EBF2: variants seen among roughly 807,000 people sequenced by gnomAD.
EBF2 encodes transcription factor COE2.
Under a neutral mutation model 72.8 loss-of-function variants are expected in EBF2, and 21 were observed. That is an observed-to-expected ratio of 0.29 (90% CI 0.20 to 0.42). The LOEUF (loss-of-function observed/expected upper bound fraction) is 0.42, where lower values mean the gene tolerates loss of function less well. Ranked by LOEUF, EBF2 falls within the 10% of genes least tolerant of loss-of-function variation. EBF2 has a pLI of 1.00. For missense variants in EBF2, 637 were observed against 731.2 expected (o/e 0.87, Z 1.49); for synonymous variants, 299 against 274.2 (o/e 1.09, Z -0.89).
chr8:26,042,570 G>A (rs958257594), intron 1 of EBF2, among the ~76,000 whole-genome samples: 1 of 152,166 alleles, frequency 6.6e-6, no homozygotes, highest in Non-Finnish European at 1.5e-5. Context: ...CAGAGGCCCA[G>A]AGTGGTCCCC....
At chr8:25,993,808 T>C (rs949276225) in intron 6 of EBF2, among the ~76,000 whole-genome samples, 4 of 148,902 alleles carry the variant, frequency 2.7e-5, no homozygotes, top group African/African-American at 9.9e-5. Flanking sequence ...TTTGGGGGGG[T>C]GGGGGAAGCT....
intron 6 of EBF2, among the ~76,000 whole-genome samples, chr8:25,967,167 T>C (rs1804128367): frequency 1.3e-5 from 2 of 152,074 alleles, no homozygotes; most frequent in African/African-American, 4.8e-5. Context: ...GGAACTAACA[T>C]CGGGAGAGGC....
At position 26,044,988 on chromosome 8, in the gene EBF2, T is replaced by G. The variant is rs1314368818; in HGVS notation, c.-129A>C. The G allele has an allele frequency of 2.0e-6, 2 of 988,754 alleles. No individual in the cohort carries two copies. Among genetic ancestry groups the G allele is most frequent in the Non-Finnish European group, 2.9e-6 (2 of 690,140 alleles). The allele number at this position is 988,754 out of a possible 1,614,324, so 61.2% of individuals were successfully genotyped here. A position where few individuals can be genotyped will look rare whatever the true frequency, so the allele number is the denominator to read the frequency against. ...AGAAAAGGGATCAAGTGCCCAAGTT[T>G]GAGTCTTAGAAAAAAAAAAAAGATA... On this transcript the variant is annotated 5_prime_UTR_variant, in exon 1 of 16. Transcript: ENST00000520164. This position sits in a 1 kb window ranked among gnomAD's most constrained non-coding sequence, Gnocchi z 4.1.
chr8:25,971,449 G>A (rs934145104), intron 6 of EBF2, among the ~76,000 whole-genome samples: 4 of 152,136 alleles, frequency 2.6e-5, no homozygotes, highest in East Asian at 1.9e-4. Flanking sequence ...TCCAGACCCC[G>A]CCCCCGAAAA....
Position 26,004,096 on chromosome 8 carries a change from A to G in EBF2, c.551+28989T>C, listed in dbSNP as rs934605861. On this transcript the variant is annotated intron_variant, in intron 6 of 15. Transcript: ENST00000520164. The stretch of plus-strand genomic sequence containing the variant: ...TCCCCATGTCCAAAGACCTTAGGAC[A>G]AGACTGACATGTTAAAAAAAGAAAA... 2.0e-5 allele frequency among the ~76,000 whole-genome samples: 3 copies of G among 147,878 alleles called. No individual in the cohort carries two copies. The Admixed American group carries it at 2.0e-4, about 10-fold the overall frequency.
At chr8:25,996,589 T>TA (rs1563202937) in intron 6 of EBF2, among the ~76,000 whole-genome samples, 1 of 151,806 alleles carries the variant, frequency 6.6e-6, no homozygotes, top group Admixed American at 6.6e-5. Flanking sequence ...TGCTTTGTTT[T>TA]AAAAAAATAA....
chr8:25,898,721 C>T (rs1802897303), intron 7 of EBF2, among the ~76,000 whole-genome samples: 2 of 152,162 alleles, frequency 1.3e-5, no homozygotes, highest in Admixed American at 1.3e-4. Flanking sequence ...TTGGCTTGGG[C>T]ATTCTTGTCT....
chr8:25,970,512 C>G (rs1269397853), intron 6 of EBF2, among the ~76,000 whole-genome samples: 2 of 152,126 alleles, frequency 1.3e-5, no homozygotes, highest in African/African-American at 4.8e-5. Context: ...AGTCCCTCCC[C>G]AACACCCCCT....
At chr8:25,869,322 T>G (rs4871957) in intron 10 of EBF2, among the ~76,000 whole-genome samples, 24,305 of 152,056 alleles carry the variant, frequency 0.16, 2,167 homozygotes, top group African/African-American at 0.23. Flanking sequence ...ACTCCTCAAG[T>G]TGGAGACAGG....
intron 6 of EBF2, among the ~76,000 whole-genome samples, chr8:25,967,456 T>G (rs1455460492): frequency 6.6e-6 from 1 of 152,244 alleles, no homozygotes; most frequent in African/African-American, 2.4e-5. Context: ...ACCTTGAATG[T>G]GTACAGAACA....
At chr8:25,970,260 G>C (rs1393286671) in intron 6 of EBF2, among the ~76,000 whole-genome samples, 1 of 152,078 alleles carries the variant, frequency 6.6e-6, no homozygotes, top group African/African-American at 2.4e-5. Context: ...ATCCTAGGCT[G>C]GTACCAAAGC....
At chr8:25,981,810 A>T (rs1388212675) in intron 6 of EBF2, among the ~76,000 whole-genome samples, 1 of 151,138 alleles carries the variant, frequency 6.6e-6, no homozygotes, top group Non-Finnish European at 1.5e-5. Flanking sequence ...AAAAAAAAAA[A>T]TCTGTGTAGT....
chr8:26,018,458 C>CT (rs1805149706), intron 6 of EBF2, among the ~76,000 whole-genome samples: 1 of 144,748 alleles, frequency 6.9e-6, no homozygotes, highest in Non-Finnish European at 1.5e-5. Flanking sequence ...CGAGACCATC[C>CT]TGGCTAACAT....
chr8:25,910,465 T>G (rs11783424), intron 6 of EBF2, among the ~76,000 whole-genome samples: 66,663 of 151,934 alleles, frequency 0.44, 15,950 homozygotes, highest in East Asian at 0.73. Flanking sequence ...GCCACAACTG[T>G]GCTCCTTGTA....
At chr8:26,037,805 T>C (rs572343795) in intron 5 of EBF2, among the ~76,000 whole-genome samples, 17 of 152,292 alleles carry the variant, frequency 1.1e-4, no homozygotes, top group Admixed American at 7.8e-4. Flanking sequence ...CAGAGACCAT[T>C]GGGGAAGGGA....
chr8:26,028,472 G>T (rs939171858), intron 6 of EBF2, among the ~76,000 whole-genome samples: 3 of 152,112 alleles, frequency 2.0e-5, no homozygotes, highest in African/African-American at 7.2e-5. Context: ...ATAAATTATT[G>T]CCCTCTCTAT....
chr8:25,871,750 C>G (rs1802442733), intron 10 of EBF2, among the ~76,000 whole-genome samples: 1 of 152,166 alleles, frequency 6.6e-6, no homozygotes, highest in Non-Finnish European at 1.5e-5. Flanking sequence ...CCTTGAAAAA[C>G]TTTCATCAAT....
intron 15 of EBF2, among the ~76,000 whole-genome samples, chr8:25,849,084 T>G (rs936890937): frequency 5.3e-5 from 8 of 152,298 alleles, no homozygotes; most frequent in Admixed American, 2.0e-4. Flanking sequence ...TCTCTAGGAA[T>G]TAGACATCTG....
chr8:25,925,866 G>A (rs534562990), intron 6 of EBF2, among the ~76,000 whole-genome samples: 161 of 152,224 alleles, frequency 1.1e-3, no homozygotes, highest in Middle Eastern at 3.4e-3. Context: ...CTTATAGCCC[G>A]TGTGGGGGAA....
Sources: gnomAD v4.1 joint callset for allele counts (sites outside exome capture counted in the v4.1 genomes callset) on GRCh38, gnomAD v4.1.1 for gene constraint, Gnocchi (gnomAD v3.1) non-coding constraint, MANE v1.5 for transcripts, NCBI Gene and HGNC (gene_info 2026-07-23, HGNC 2026-07-21) for gene names.